Variants in CPT1A observed in about 807,000 individuals in gnomAD.
CPT1A encodes carnitine O-palmitoyltransferase 1, liver isoform.
A neutral mutation model predicts 100.8 loss-of-function variants in CPT1A; 64 were observed. That is an observed-to-expected ratio of 0.63 (90% CI 0.52 to 0.78). The LOEUF (loss-of-function observed/expected upper bound fraction) is 0.78. Among genes scored for constraint, CPT1A ranks in the 30% least tolerant of loss-of-function variants. The probability of loss-of-function intolerance (pLI) is 0.00; values close to 1 mark genes in which losing one functional copy is unlikely to be tolerated. For synonymous variants in CPT1A, 363 were observed against 396.0 expected (o/e 0.92, Z 0.99); for missense variants, 802 against 1,034.1 (o/e 0.78, Z 3.08).
chr11:68,835,120 A>T (rs1466565746), intron 1 of CPT1A, among the ~76,000 whole-genome samples: 1 of 152,236 alleles, frequency 6.6e-6, no homozygotes, highest in Non-Finnish European at 1.5e-5. Flanking sequence ...AGCCACAAAG[A>T]TTCACAATTT....
At chr11:68,780,895 G>A (rs1026299292) in intron 11 of CPT1A, 150 bp from the exon 12 acceptor site, 5 of 698,120 alleles carry the variant, frequency 7.2e-6, no homozygotes, top group Non-Finnish European at 1.3e-5. Flanking sequence ...GTGGAGTGAG[G>A]GTGAAAGTAC....
At chr11:68,759,541 A>G (rs1946760654) in intron 18 of CPT1A, 28 bp downstream of exon 18, 2 of 1,462,088 alleles carry the variant, frequency 1.4e-6, no homozygotes, top group Admixed American at 1.7e-5. Context: ...CCCCATCTTC[A>G]GAAAAAGGAA....
chr11:68,791,310 A>G (rs1202887483), intron 9 of CPT1A, among the ~76,000 whole-genome samples: 4 of 152,196 alleles, frequency 2.6e-5, no homozygotes, highest in Non-Finnish European at 5.9e-5. Context: ...TGCCCTGGTC[A>G]GTGAAGGGGC....
intron 4 of CPT1A, 62 bp from the exon 5 acceptor site, chr11:68,804,163 G>T: frequency 2.3e-6 from 3 of 1,277,872 alleles, no homozygotes. Flanking sequence ...ACCTGTTCTC[G>T]TCTGATCTCG....
At chr11:68,820,146 C>T (rs1856540218) in intron 1 of CPT1A, among the ~76,000 whole-genome samples, 1 of 119,558 alleles carries the variant, frequency 8.4e-6, no homozygotes. Flanking sequence ...CCTCCCACCT[C>T]AGCCTCCTGA....
Position 68,757,234 on chromosome 11 carries a change from A to C in CPT1A, c.*410T>G. 1.0e-6 allele frequency: 1 copy of C among 989,840 alleles called. No homozygotes were observed. The highest frequency in any genetic ancestry group is 1.2e-6 in the Non-Finnish European group (1 of 809,662). 61.3% of individuals were successfully genotyped at this position (989,840 alleles called of 1,614,324 possible). A position where few individuals can be genotyped will look rare whatever the true frequency, so the allele number is the denominator to read the frequency against. On this transcript the variant is annotated 3_prime_UTR_variant, in exon 19 of 19. Coordinates refer to ENST00000265641, the MANE Select transcript of CPT1A (RefSeq NM_001876.4). ...AACACATTTTTCTTTTAACAAAACA[A>C]AAGTTTACCCTGCTTGGATGATGCT...
chr11:68,777,977 C>T (rs112186618), intron 12 of CPT1A, among the ~76,000 whole-genome samples: 11 of 152,234 alleles, frequency 7.2e-5, no homozygotes, highest in African/African-American at 2.6e-4. Flanking sequence ...TTGTCGACAT[C>T]GCCAAAGAAC....
Position 68,812,480 on chromosome 11 carries a change from A to AG in CPT1A, c.237dup (p.Ser80LeufsTer60). 1 of 1,614,164 alleles carries AG rather than the reference A, an allele frequency of 6.2e-7. No individual in the cohort carries two copies. The highest frequency in any genetic ancestry group is 8.5e-7 in the Non-Finnish European group (1 of 1,180,024). On this transcript the variant is annotated frameshift_variant, in exon 3 of 19. Transcript: ENST00000265641. LOFTEE classifies it high-confidence loss of function. ...TTGATTTTTGCAATTATTCCTAACGAGGGGTCGATCTTGGCGTACATCGTT... is the reference window on the plus strand; with the variant it reads ...TTGATTTTTGCAATTATTCCTAACGAGGGGGTCGATCTTGGCGTACATCGTT...
intron 3 of CPT1A, among the ~76,000 whole-genome samples, chr11:68,809,617 G>A (rs919562076): frequency 3.3e-5 from 5 of 151,358 alleles, no homozygotes; most frequent in African/African-American, 1.2e-4. Flanking sequence ...ACAGGCCACC[G>A]CACCCAGCCT....
At chr11:68,803,665 T>C (rs1456276080) in intron 5 of CPT1A, among the ~76,000 whole-genome samples, 3 of 151,406 alleles carry the variant, frequency 2.0e-5, no homozygotes, top group African/African-American at 7.3e-5. Context: ...GAGCTGAGAT[T>C]GCACCACTGC....
chr11:68,816,382 C>T (rs1249776307), intron 1 of CPT1A, among the ~76,000 whole-genome samples: 1 of 152,204 alleles, frequency 6.6e-6, no homozygotes. Flanking sequence ...TTGGAGGCAG[C>T]GGCTGAAACG....
rs538286154 is a variant in CPT1A at position 68,761,907 on chromosome 11, G to A, written c.1876-220C>T. On this transcript the variant is annotated intron_variant, in intron 15 of 18. Transcript: ENST00000265641. ...ATTACAGGCGTGAGTCACCGCGCCC[G>A]GTCTGACAGCCTTTCCAGAATGAAG... Among the ~76,000 whole-genome samples the A allele has an allele frequency of 4.1e-4, 62 of 150,060 alleles. 1 individual carries two copies. The highest frequency in any genetic ancestry group is 1.3e-3 in the African/African-American group (54 of 40,958).
At chr11:68,833,884 G>T (rs1010795616) in intron 1 of CPT1A, among the ~76,000 whole-genome samples, 2 of 152,022 alleles carry the variant, frequency 1.3e-5, no homozygotes, top group African/African-American at 2.4e-5. Flanking sequence ...ATAAGACAGG[G>T]TCTTGTTCTG....
At chr11:68,763,117 G>T (rs1202050912) in intron 14 of CPT1A, among the ~76,000 whole-genome samples, 2 of 152,162 alleles carry the variant, frequency 1.3e-5, no homozygotes, top group Non-Finnish European at 2.9e-5. Context: ...CCAAAGTGCT[G>T]GGATTACAGG....
In CPT1A at chr11:68,762,628, G is replaced by T; in HGVS notation, c.1874C>A (p.Thr625Lys). ...GTCCTCAGCCTGATGGCACATTACC[G>T]TCTGGGCCGGGTCCACCATGGCCCG... is the stretch of plus-strand genomic sequence containing the variant. ...FVRAMVDPAQTVEQRLKLFKL... is the reference protein window; with the variant it reads ...FVRAMVDPAQKVEQRLKLFKL... Residue 625 changes from threonine (T) to lysine (K), a missense_variant and splice_region_variant, in exon 15 of 19, where the codon ACG becomes AAG. This residue lies in a region of CPT1A where 627 missense variants were observed against 799.3 expected (regional missense o/e 0.78). Coordinates refer to ENST00000265641, the MANE Select transcript of CPT1A (RefSeq NM_001876.4). 1 of 1,613,516 alleles carries T rather than the reference G, an allele frequency of 6.2e-7. No homozygotes were observed. Among genetic ancestry groups the T allele is most frequent in the Non-Finnish European group, 8.5e-7 (1 of 1,180,014 alleles).
intron 1 of CPT1A, among the ~76,000 whole-genome samples, chr11:68,816,928 TG>T (rs1566378938): frequency 2.3e-5 from 2 of 87,328 alleles, no homozygotes; most frequent in Non-Finnish European, 4.6e-5. Flanking sequence ...TGTGTGTGGG[TG>T]TGTGTGTGGG....
chr11:68,784,082 C>A (rs1318491174), intron 10 of CPT1A, among the ~76,000 whole-genome samples: 2 of 152,164 alleles, frequency 1.3e-5, no homozygotes, highest in Non-Finnish European at 2.9e-5. Context: ...AGGCACATCT[C>A]AAACCCCTAG....
At chr11:68,842,308 CCGAG>C (rs1857179119), upstream of CPT1A, among the ~76,000 whole-genome samples, 1 of 152,128 alleles carries the variant, frequency 6.6e-6, no homozygotes, top group Non-Finnish European at 1.5e-5. Flanking sequence ...CCCCACATCA[CCGAG>C]CTGAGAAGCA....
chr11:68,817,524 G>A (rs1055721962), intron 1 of CPT1A, among the ~76,000 whole-genome samples: 4 of 152,178 alleles, frequency 2.6e-5, no homozygotes, highest in Admixed American at 6.6e-5. Flanking sequence ...TCTGGTGCAG[G>A]AAGGGGAGAA....
Sources: allele counts gnomAD v4.1 joint callset (sites outside exome capture counted in the v4.1 genomes callset), GRCh38; gene constraint gnomAD v4.1.1; regional missense constraint gnomAD v4.1.1; transcripts MANE v1.5; gene names NCBI Gene and HGNC (gene_info 2026-07-23, HGNC 2026-07-21).